The following PKIB variants were observed in gnomAD, a reference collection of about 807,000 sequenced individuals.
PKIB encodes PKI-beta.
A neutral mutation model predicts 4.5 loss-of-function variants in PKIB; 2 were observed. The observed-to-expected ratio is 0.44, with a 90% confidence interval of 0.18 to 1.39. PKIB has a LOEUF of 1.39. Among genes scored for constraint, PKIB ranks in the 40% most tolerant of loss-of-function variants. PKIB has a pLI of 0.27. For synonymous variants in PKIB, 38 were observed against 36.0 expected, an observed-to-expected ratio of 1.06 and a Z score of -0.20; for missense variants, 94 against 92.6, an observed-to-expected ratio of 1.02 and a Z score of -0.06.
chr6:122,693,599 C>T (rs1778437297), intron 3 of PKIB, among the ~76,000 whole-genome samples: 2 of 152,180 alleles, frequency 1.3e-5, no homozygotes, highest in African/African-American at 4.8e-5. Flanking sequence ...GCCAACAGAA[C>T]ACTTTTATGA....
intron 2 of PKIB, among the ~76,000 whole-genome samples, chr6:122,530,597 G>T (rs555710390): frequency 3.2e-4 from 49 of 152,186 alleles, no homozygotes; most frequent in African/African-American, 1.1e-3. Context: ...TTGCCTATGA[G>T]CCTAGCTAGA....
chr6:122,701,220 C>T, intron 3 of PKIB: 1 of 459,388 alleles, frequency 2.2e-6, no homozygotes, highest in Non-Finnish European at 4.0e-6. Context: ...GCTTGGTTCT[C>T]CATGGTGTGG....
At chr6:122,605,466 C>T (rs1774499454), upstream of PKIB, among the ~76,000 whole-genome samples, 1 of 152,174 alleles carries the variant, frequency 6.6e-6, no homozygotes, top group African/African-American at 2.4e-5. Context: ...TCCTTCTTCC[C>T]TCTCTAAGGA....
chr6:122,549,582 A>T (rs373859999), intron 2 of PKIB, among the ~76,000 whole-genome samples: 1 of 152,150 alleles, frequency 6.6e-6, no homozygotes, highest in Non-Finnish European at 1.5e-5. Flanking sequence ...ACATCAGTTC[A>T]GTGAGTGTGA....
chr6:122,725,337 T>G lies in PKIB; in HGVS notation c.*142T>G. On this transcript the variant is annotated 3_prime_UTR_variant, in exon 5 of 5. Transcript: ENST00000368452. ...ATGTGTATATTAGATAATTGTGTTG[T>G]GATGCTACTCACTTTGATTGCAATG... 1.5e-6 allele frequency: 1 copy of G among 658,316 alleles called. No homozygotes were observed. The highest frequency in any genetic ancestry group is 2.2e-5 in the South Asian group (1 of 45,548). The allele number at this position is 658,316 out of a possible 1,614,324, so 40.8% of individuals were successfully genotyped here. A position where few individuals can be genotyped will look rare whatever the true frequency, so the allele number is the denominator to read the frequency against.
At chr6:122,690,296 T>A (rs1778276959) in intron 3 of PKIB, among the ~76,000 whole-genome samples, 1 of 152,096 alleles carries the variant, frequency 6.6e-6, no homozygotes, top group Non-Finnish European at 1.5e-5. Context: ...GCCATTTAGT[T>A]GTTTTCTAGT....
At chr6:122,581,434 A>G (rs1277631219) in intron 2 of PKIB, among the ~76,000 whole-genome samples, 1 of 152,152 alleles carries the variant, frequency 6.6e-6, no homozygotes, top group East Asian at 1.9e-4. Context: ...TTAAGCATGA[A>G]AAGCTGAAAA....
At chr6:122,674,069 G>A (rs1173395105) in intron 2 of PKIB, among the ~76,000 whole-genome samples, 1 of 152,178 alleles carries the variant, frequency 6.6e-6, no homozygotes, top group African/African-American at 2.4e-5. Context: ...TACTGGTGGA[G>A]TGTGACTGCA....
At chr6:122,511,870 T>C (rs1776598389) in intron 2 of PKIB, among the ~76,000 whole-genome samples, 1 of 152,358 alleles carries the variant, frequency 6.6e-6, no homozygotes, top group East Asian at 1.9e-4. Flanking sequence ...CGGGCTTAAC[T>C]AGGAGCCTGT....
At chr6:122,660,779 TC>T (rs1160211461) in intron 2 of PKIB, among the ~76,000 whole-genome samples, 2 of 152,208 alleles carry the variant, frequency 1.3e-5, no homozygotes, top group Admixed American at 1.3e-4. Flanking sequence ...ATGTGTGATT[TC>T]TTCAAGATAA....
At chr6:122,566,079 A>G (rs1053988853) in intron 2 of PKIB, among the ~76,000 whole-genome samples, 2 of 151,482 alleles carry the variant, frequency 1.3e-5, no homozygotes, top group Non-Finnish European at 2.9e-5. Context: ...TACTGAGCTG[A>G]CTTTGATTTG....
Position 122,533,560 on chromosome 6 carries a change from TA to T in PKIB, c.-247-52359del, listed in dbSNP as rs796612212. ...TGATTTTCTCTATTGTCTCACACTATAATGCATTTTCTTTTTCAGAGTGTAG... is the reference window on the plus strand; with the variant it reads ...TGATTTTCTCTATTGTCTCACACTATATGCATTTTCTTTTTCAGAGTGTAG... On this transcript the variant is annotated intron_variant, in intron 2 of 6. Coordinates refer to the PKIB transcript ENST00000392491. Among the ~76,000 whole-genome samples, 62 of 152,362 alleles carry T rather than the reference TA, an allele frequency of 4.1e-4. 1 individual carries two copies. Among genetic ancestry groups the T allele is most frequent in the African/African-American group, 1.3e-3 (54 of 41,588 alleles).
chr6:122,496,757 C>T (rs939071764), intron 2 of PKIB, among the ~76,000 whole-genome samples: 1 of 152,088 alleles, frequency 6.6e-6, no homozygotes, highest in Non-Finnish European at 1.5e-5. Flanking sequence ...AAATTATTGG[C>T]ATTCCTAAAA....
chr6:122,688,224 T>C (rs1778171494), intron 3 of PKIB, among the ~76,000 whole-genome samples: 2 of 152,208 alleles, frequency 1.3e-5, no homozygotes, highest in African/African-American at 4.8e-5. Flanking sequence ...TGTTTTTTTG[T>C]CCTTCATTCT....
At chr6:122,654,438 T>C (rs1776689456) in intron 2 of PKIB, among the ~76,000 whole-genome samples, 1 of 152,202 alleles carries the variant, frequency 6.6e-6, no homozygotes, top group East Asian at 1.9e-4. Flanking sequence ...CTGCCATTTC[T>C]TCCAGTCCTT....
intron 2 of PKIB, among the ~76,000 whole-genome samples, chr6:122,533,642 A>T (rs1777325116): frequency 6.6e-6 from 1 of 152,212 alleles, no homozygotes; most frequent in Non-Finnish European, 1.5e-5. Flanking sequence ...TTTAAAATCA[A>T]TGCGAGAACA....
At chr6:122,494,897 C>G (rs1776035030) in intron 2 of PKIB, among the ~76,000 whole-genome samples, 1 of 152,182 alleles carries the variant, frequency 6.6e-6, no homozygotes, top group African/African-American at 2.4e-5. Context: ...GGAGAACCTC[C>G]CTGACACCTT....
intron 2 of PKIB, among the ~76,000 whole-genome samples, chr6:122,516,813 A>G (rs891982044): frequency 5.9e-5 from 9 of 152,240 alleles, no homozygotes; most frequent in African/African-American, 1.9e-4. Flanking sequence ...GAGAAGAGAC[A>G]CGGAGCAATG....
At chr6:122,508,383 A>T (rs982669686) in intron 2 of PKIB, among the ~76,000 whole-genome samples, 8 of 152,178 alleles carry the variant, frequency 5.3e-5, no homozygotes. Flanking sequence ...TAGTTGTAGT[A>T]CCTGGCACTG....
Sources: gnomAD v4.1 joint callset for allele counts (sites outside exome capture counted in the v4.1 genomes callset) on GRCh38, gnomAD v4.1.1 for gene constraint, MANE v1.5 for transcripts, NCBI Gene and HGNC (gene_info 2026-07-23, HGNC 2026-07-21) for gene names.